PGS1: variants seen among roughly 807,000 people sequenced by gnomAD.
PGS1 encodes phosphatidylglycerophosphate synthase 1, also known as CDP-diacylglycerol--glycerol-3-phosphate 3-phosphatidyltransferase, mitochondrial.
PGS1 carries 44 observed loss-of-function variants against 58.3 expected under a neutral mutation model. That is an observed-to-expected ratio of 0.75 (90% confidence interval 0.59 to 0.97). The LOEUF is 0.97. Ranked by LOEUF, PGS1 falls within the 50% of genes least tolerant of loss-of-function variation. The probability of loss-of-function intolerance (pLI) is 0.00; values close to 1 mark genes in which losing one functional copy is unlikely to be tolerated. For synonymous variants in PGS1, 330 were observed against 311.0 expected, an observed-to-expected ratio of 1.06 and a Z score of -0.64; for missense variants, 684 against 731.1, an observed-to-expected ratio of 0.94 and a Z score of 0.74.
At chr17:78,405,764 G>A (rs1231177407) in intron 7 of PGS1, among the ~76,000 whole-genome samples, 3 of 152,196 alleles carry the variant, frequency 2.0e-5, no homozygotes, top group Admixed American at 2.0e-4. Context: ...TGTGCCATGA[G>A]TACATCCCAC....
Position 78,403,954 on chromosome 17 carries a change from G to C in PGS1, c.1267G>C (p.Gly423Arg). 9 of 1,614,172 alleles carry C rather than the reference G, an allele frequency of 5.6e-6. No homozygotes were observed. The highest frequency in any genetic ancestry group is 7.6e-6 in the Non-Finnish European group (9 of 1,180,022). The change falls in exon 7 of 10, where the codon GGG (glycine) becomes CGG (arginine). Residue 423 changes from glycine (G) to arginine (R), a missense_variant. Physicochemically the swap from Gly to Arg is moderately radical, Grantham distance 125 (BLOSUM62 -2). Coordinates refer to ENST00000262764, the MANE Select transcript of PGS1 (RefSeq NM_024419.5). ...PEVNGFFGAK[G>R]VAGAIPAAYV... ...GGTGAATGGCTTCTTTGGGGCCAAGGGGGTGGCCGGCGCCATCCCAGCGGC... is the reference window on the plus strand; with the variant it reads ...GGTGAATGGCTTCTTTGGGGCCAAGCGGGTGGCCGGCGCCATCCCAGCGGC...
intron 7 of PGS1, among the ~76,000 whole-genome samples, chr17:78,407,003 C>T (rs976933602): frequency 2.6e-5 from 4 of 152,196 alleles, no homozygotes; most frequent in Admixed American, 6.5e-5. Context: ...TTTTCTGGGG[C>T]GTCTTGCCTT....
In PGS1 at chr17:78,392,657, C is replaced by T. The variant is rs768001328; in HGVS notation, c.325C>T (p.Leu109Phe). 3 of 1,613,538 alleles carry T rather than the reference C, an allele frequency of 1.9e-6. No individual in the cohort carries two copies. Among genetic ancestry groups the T allele is most frequent in the Middle Eastern group, 1.7e-4 (1 of 6,056 alleles). ...TTCTTCCCCGGCAGAGTTTTTCGAG[C>T]TCATGAAGGTAAGTGGTATCTAAAG... ...VLSSPAEFFE[L>F]MKGQIRVAKR... Residue 109 changes from leucine to phenylalanine, a missense_variant, in exon 2 of 10, where the codon CTC becomes TTC. Transcript: ENST00000262764.
chr17:78,398,712 T>C (rs1489230973), intron 4 of PGS1, among the ~76,000 whole-genome samples: 1 of 152,208 alleles, frequency 6.6e-6, no homozygotes, highest in African/African-American at 2.4e-5. Context: ...TGTGGACTCC[T>C]GTGACTGATC....
At chr17:78,395,613 G>A (rs4969181) in intron 2 of PGS1, among the ~76,000 whole-genome samples, 17 of 152,290 alleles carry the variant, frequency 1.1e-4, no homozygotes, top group African/African-American at 4.1e-4. Context: ...CTGGCTGTTA[G>A]GACTGATTTG....
At chr17:78,416,993 C>T (rs2146327842) in intron 8 of PGS1, among the ~76,000 whole-genome samples, 1 of 152,280 alleles carries the variant, frequency 6.6e-6, no homozygotes, top group East Asian at 1.9e-4. Context: ...CCCTCCTATT[C>T]ATGTCACATT....
At position 78,378,707 on chromosome 17, in the gene PGS1, G is replaced by A. The variant is rs985959863; in HGVS notation, c.42G>A (p.Trp14Ter). 6.6e-7 allele frequency: 1 copy of A among 1,522,592 alleles called. No individual in the cohort carries two copies. The highest frequency in any genetic ancestry group is 1.2e-5 in the South Asian group (1 of 82,374). The allele number at this position is 1,522,592 out of a possible 1,614,324, so 94.3% of individuals were successfully genotyped here. ...CAGCTGCGGCGGGACCCGTGTTCTG[G>A]AGGCGACTGCTGGGCCTCCTGCCTG... ...AAAAAAGPVF[W>*]RRLLGLLPGR... is the part of the protein sequence containing the mutation. The change falls in exon 1 of 10, where the codon TGG (tryptophan) becomes TGA (stop). Residue 14 changes from tryptophan to a stop codon, truncating the protein, a stop_gained. Coordinates refer to ENST00000262764, the MANE Select transcript of PGS1 (RefSeq NM_024419.5). LOFTEE classifies it high-confidence loss of function.
At position 78,424,073 on chromosome 17, in the gene PGS1, T is replaced by A. The variant is rs952026712; in HGVS notation, c.*23T>A. The A allele has an allele frequency of 1.2e-6, 2 of 1,613,996 alleles. No individual in the cohort carries two copies. Among genetic ancestry groups the A allele is most frequent in the Non-Finnish European group, 1.7e-6 (2 of 1,179,874 alleles). ...ATGCGGTCCACAGGAATGGCCTTGA[T>A]GAAGATGACAGGCATGGCCGGGGTC... On this transcript the variant is annotated 3_prime_UTR_variant, in exon 10 of 10. Transcript: ENST00000262764.
At chr17:78,396,633 C>G (rs1231619260) in intron 3 of PGS1, among the ~76,000 whole-genome samples, 2 of 152,246 alleles carry the variant, frequency 1.3e-5, no homozygotes, top group African/African-American at 4.8e-5. Flanking sequence ...TGGCAGTGTC[C>G]TCCTACCCAC....
intron 9 of PGS1, chr17:78,421,162 ATGTGTGTTTATAAAGCCAGCTC>A (rs1158381108): frequency 6.6e-6 from 1 of 152,092 alleles, no homozygotes; most frequent in Non-Finnish European, 1.5e-5. Flanking sequence ...AATACATGTC[ATGTGTGTTTATAAAGCCAGCTC>A]TCCATATCCC....
intron 4 of PGS1, among the ~76,000 whole-genome samples, chr17:78,398,817 G>A (rs1484847835): frequency 6.6e-6 from 1 of 152,248 alleles, no homozygotes; most frequent in Non-Finnish European, 1.5e-5. Context: ...CAGGCTCTGT[G>A]TGGTGGCCCC....
intron 3 of PGS1, among the ~76,000 whole-genome samples, chr17:78,397,539 C>G (rs534688003): frequency 6.6e-6 from 1 of 151,878 alleles, no homozygotes. Flanking sequence ...TGGGTTGAAG[C>G]GATTCTCCTG....
At chr17:78,415,146 G>A (rs2146315952) in intron 8 of PGS1, 119 bp downstream of exon 8, 1 of 1,175,142 alleles carries the variant, frequency 8.5e-7, no homozygotes, top group Non-Finnish European at 1.2e-6. Flanking sequence ...GAGACTCAGA[G>A]CAGAGCAAGA....
chr17:78,422,945 A>AATT (rs2146375151), intron 9 of PGS1, among the ~76,000 whole-genome samples: 1 of 152,148 alleles, frequency 6.6e-6, no homozygotes, highest in East Asian at 1.9e-4. Flanking sequence ...AAAATAAAAA[A>AATT]ATTAGCTGCG....
At chr17:78,419,187 T>C (rs1161491995) in intron 8 of PGS1, among the ~76,000 whole-genome samples, 1 of 152,170 alleles carries the variant, frequency 6.6e-6, no homozygotes, top group African/African-American at 2.4e-5. Flanking sequence ...TTTAGAATTT[T>C]TTCATAGAGA....
At chr17:78,418,497 C>G (rs1038515227) in intron 8 of PGS1, among the ~76,000 whole-genome samples, 1 of 152,196 alleles carries the variant, frequency 6.6e-6, no homozygotes, top group African/African-American at 2.4e-5. Flanking sequence ...TAGGTCAACA[C>G]TCTTCTCATG....
At chr17:78,406,418 A>T (rs936829469) in intron 7 of PGS1, among the ~76,000 whole-genome samples, 2 of 152,026 alleles carry the variant, frequency 1.3e-5, no homozygotes, top group Admixed American at 6.5e-5. Context: ...CCCCTAGGAG[A>T]TTCTGATGCC....
In PGS1 at chr17:78,423,949, G is replaced by C. The variant is rs143246806; in HGVS notation, c.*11-112G>C. The C allele has an allele frequency of 6.8e-6, 11 of 1,613,858 alleles. No homozygotes were observed. In the East Asian group the frequency reaches 2.0e-4, roughly 29 times the overall value. On this transcript the variant is annotated intron_variant, in intron 9 of 9. Coordinates refer to ENST00000262764, the MANE Select transcript of PGS1 (RefSeq NM_024419.5). The stretch of plus-strand genomic sequence containing the variant: ...CGCCACGGCTGCCAGGATCCACTTC[G>C]CTGCCTTCTCTTTGGTCTTCAAGTT...
chr17:78,404,665 A>G (rs763644362), intron 7 of PGS1, among the ~76,000 whole-genome samples: 2 of 151,922 alleles, frequency 1.3e-5, no homozygotes, highest in South Asian at 2.1e-4. Flanking sequence ...GGAGAGGAAC[A>G]TGCCTTAGCT....
Sources: allele counts gnomAD v4.1 joint callset (sites outside exome capture counted in the v4.1 genomes callset), GRCh38; gene constraint gnomAD v4.1.1; transcripts MANE v1.5; gene names NCBI Gene and HGNC (gene_info 2026-07-23, HGNC 2026-07-21).